Variants in ITGA4 observed in about 807,000 individuals in gnomAD.
ITGA4 encodes the protein integrin alpha-4.
ITGA4 carries 63 observed loss-of-function variants against 133.6 expected under a neutral mutation model. The ratio of observed to expected loss-of-function variants is 0.47; its 90% CI spans 0.38 to 0.58. The LOEUF (loss-of-function observed/expected upper bound fraction) is 0.58. ITGA4 is among the 20% of genes least tolerant of loss of function. The pLI, the probability that ITGA4 is intolerant of heterozygous loss-of-function variation, is 0.00. For synonymous variants in ITGA4, 483 were observed against 438.0 expected (o/e 1.10, Z -1.28); for missense variants, 1,076 against 1,252.7 (o/e 0.86, Z 2.13).
Position 181,474,999 on chromosome 2 carries a change from A to G in ITGA4, c.359A>G (p.Glu120Gly). ...NGEPCGKTCL[E>G]ERDNQWLGVT... Reference sequence around the variant, plus strand: ...GAACCTTGTGGAAAGACTTGTTTGGAAGAGAGAGACAATCAGTGGTTGGGG... The same window carrying G: ...GAACCTTGTGGAAAGACTTGTTTGGGAGAGAGAGACAATCAGTGGTTGGGG... The change falls in exon 3 of 28, where the codon GAA (glutamate) becomes GGA (glycine). Residue 120 changes from glutamate to glycine, a missense_variant. By Grantham distance (98) the Glu-to-Gly change is moderately conservative (BLOSUM62 -2). This residue lies in a region of ITGA4 where 436 missense variants were observed against 590.7 expected (regional missense o/e 0.74). Transcript: ENST00000397033. 1 of 1,614,042 alleles carries G rather than the reference A, an allele frequency of 6.2e-7. No homozygotes were observed. The highest frequency in any genetic ancestry group is 8.5e-7 in the Non-Finnish European group (1 of 1,179,940).
chr2:181,517,829 T>A (rs1686637016), intron 17 of ITGA4, among the ~76,000 whole-genome samples: 1 of 152,138 alleles, frequency 6.6e-6, no homozygotes, highest in South Asian at 2.1e-4. Flanking sequence ...TCTTGGAACC[T>A]AGCTGTTTAT....
chr2:181,499,839 C>A (rs4667311), intron 15 of ITGA4, among the ~76,000 whole-genome samples: 147,864 of 152,278 alleles, frequency 0.97, 71,936 homozygotes, highest in East Asian at 1. Flanking sequence ...ATATTGAAAT[C>A]ATTTTAAAGG....
intron 17 of ITGA4, among the ~76,000 whole-genome samples, chr2:181,514,794 T>G (rs1357083662): frequency 6.6e-6 from 1 of 152,104 alleles, no homozygotes. Flanking sequence ...AAGAAAATAT[T>G]ACTAACTATG....
At chr2:181,522,454 G>A (rs772530316) in intron 18 of ITGA4, 113 bp downstream of exon 18, 58 of 701,476 alleles carry the variant, frequency 8.3e-5, no homozygotes, top group Non-Finnish European at 1.2e-4. Flanking sequence ...TAATATTTAG[G>A]CTCCTAGTTA....
intron 23 of ITGA4, 104 bp downstream of exon 23, chr2:181,529,752 G>T: frequency 1.6e-6 from 1 of 638,856 alleles, no homozygotes; most frequent in Non-Finnish European, 2.8e-6. Context: ...ATGGATAATT[G>T]TTAACTTACT....
intron 2 of ITGA4, among the ~76,000 whole-genome samples, chr2:181,469,832 G>A (rs559011616): frequency 1.8e-4 from 27 of 151,564 alleles, no homozygotes; most frequent in African/African-American, 5.1e-4. Flanking sequence ...ACCAAACACC[G>A]CATGTTCTCA....
At chr2:181,484,215 G>T (rs1392721884) in intron 9 of ITGA4, among the ~76,000 whole-genome samples, 1 of 152,184 alleles carries the variant, frequency 6.6e-6, no homozygotes, top group Admixed American at 6.5e-5. Context: ...ATCAGGGCTT[G>T]GAAGAGTCCT....
intron 15 of ITGA4, among the ~76,000 whole-genome samples, chr2:181,509,129 A>G (rs1240776223): frequency 8.5e-6 from 1 of 117,938 alleles, no homozygotes; most frequent in African/African-American, 3.3e-5. Flanking sequence ...GACACATCCC[A>G]TCTCTTAAAA....
intron 21 of ITGA4, 64 bp from the exon 22 acceptor site, chr2:181,527,233 A>G: frequency 4.1e-6 from 4 of 981,590 alleles, no homozygotes; most frequent in Non-Finnish European, 6.4e-6. Flanking sequence ...GACTATAGAA[A>G]AAGACTCTTT....
rs529400119 is a variant in ITGA4 at position 181,517,631 on chromosome 2, A to G, written c.1923-4560A>G. Among the ~76,000 whole-genome samples, 3 of 152,228 alleles carry G rather than the reference A, an allele frequency of 2.0e-5. No individual in the cohort carries two copies. In the Middle Eastern group the frequency reaches 0.01, roughly 518 times the overall value. On this transcript the variant is annotated intron_variant, in intron 17 of 27. Coordinates refer to ENST00000397033, the MANE Select transcript of ITGA4 (RefSeq NM_000885.6). ...CCTGGTTCTTTATTATGTCTCACAT[A>G]GGAAGCTGGTAGGTATCTTTCTGAG...
chr2:181,537,825 T>G lies in ITGA4; in HGVS notation c.*2298T>G. ...TTTTAAAGCCCTAGAGGCTAATTGTTAGTAACATCAATTTCTATTAGGATA... is the reference window on the plus strand; with the variant it reads ...TTTTAAAGCCCTAGAGGCTAATTGTGAGTAACATCAATTTCTATTAGGATA... On this transcript the variant is annotated 3_prime_UTR_variant, in exon 28 of 28. Transcript: ENST00000397033. 1 of 480,340 alleles carries G rather than the reference T, an allele frequency of 2.1e-6. No individual in the cohort carries two copies. The highest frequency in any genetic ancestry group is 1.5e-5 in the South Asian group (1 of 64,620). The allele number at this position is 480,340 out of a possible 1,614,324, so 29.8% of individuals were successfully genotyped here.
chr2:181,490,419 C>A (rs1272156984), intron 10 of ITGA4, among the ~76,000 whole-genome samples: 1 of 151,062 alleles, frequency 6.6e-6, no homozygotes, highest in Non-Finnish European at 1.5e-5. Context: ...CATCCCCCAC[C>A]AGTTCCATCC....
At chr2:181,510,326 CA>C (rs1452767158) in intron 16 of ITGA4, among the ~76,000 whole-genome samples, 3 of 152,062 alleles carry the variant, frequency 2.0e-5, no homozygotes, top group African/African-American at 7.2e-5. Context: ...AGCCACATCC[CA>C]GGATCAATTG....
At position 181,523,665 on chromosome 2, in the gene ITGA4, C is replaced by G. The variant is rs1387603633; in HGVS notation, c.2169+133C>G. 3.5e-6 allele frequency: 2 copies of G among 567,010 alleles called. No homozygotes were observed. Among genetic ancestry groups the G allele is most frequent in the African/African-American group, 3.8e-5 (2 of 53,078 alleles). 35.1% of individuals were successfully genotyped at this position (567,010 alleles called of 1,614,324 possible). On this transcript the variant is annotated intron_variant, in intron 19 of 27. Transcript: ENST00000397033. This position sits in a 1 kb window ranked among gnomAD's most constrained non-coding sequence, Gnocchi z 4.2. ...TAGGTAGCTGAGTGATGAAATAAAA[C>G]TGGTTCTTGAAATCTTTGAGCTTTG...
intron 2 of ITGA4, among the ~76,000 whole-genome samples, chr2:181,473,023 A>G (rs1045738842): frequency 6.6e-6 from 1 of 152,196 alleles, no homozygotes; most frequent in Non-Finnish European, 1.5e-5. Context: ...GTTCTCCAGG[A>G]AGCCATTACC....
intron 17 of ITGA4, among the ~76,000 whole-genome samples, chr2:181,518,080 A>G (rs1686646733): frequency 6.6e-6 from 1 of 152,014 alleles, no homozygotes; most frequent in African/African-American, 2.4e-5. Context: ...TGGGACAGCC[A>G]TGTTCCCACA....
At chr2:181,519,566 T>C (rs938200171) in intron 17 of ITGA4, among the ~76,000 whole-genome samples, 3 of 152,272 alleles carry the variant, frequency 2.0e-5, no homozygotes, top group Non-Finnish European at 4.4e-5. Context: ...AAAATTATTT[T>C]ATTTGCATAT....
intron 17 of ITGA4, among the ~76,000 whole-genome samples, chr2:181,515,312 A>C (rs1447857139): frequency 2.6e-5 from 4 of 152,078 alleles, no homozygotes; most frequent in Admixed American, 2.0e-4. Context: ...CCGACTCATT[A>C]AGGTTGTCTT....
At position 181,475,167 on chromosome 2, in the gene ITGA4, G is replaced by A. The variant is rs200434116; in HGVS notation, c.435G>A (p.Gly145=). The A allele has an allele frequency of 1.9e-6, 3 of 1,613,490 alleles. No homozygotes were observed. Among genetic ancestry groups the A allele is most frequent in the African/African-American group, 1.3e-5 (1 of 74,960 alleles). ...PGENGSIVTC[G]HRWKNIFYIK... ...ACTTTTATTTTATTCAGACTTGTGGGCATAGATGGAAAAATATATTTTACA... is the reference window on the plus strand; with the variant it reads ...ACTTTTATTTTATTCAGACTTGTGGACATAGATGGAAAAATATATTTTACA... The change falls in exon 4 of 28, where the codon GGG becomes GGA. Residue 145 remains glycine (G), a synonymous_variant. Transcript: ENST00000397033.
Sources: gnomAD v4.1 joint callset for allele counts (sites outside exome capture counted in the v4.1 genomes callset) on GRCh38, gnomAD v4.1.1 for gene constraint, gnomAD v4.1.1 regional missense constraint, Gnocchi (gnomAD v3.1) non-coding constraint, MANE v1.5 for transcripts, NCBI Gene and HGNC (gene_info 2026-07-23, HGNC 2026-07-21) for gene names.